Variants in CAST observed in about 807,000 individuals in gnomAD.
CAST encodes the protein calpastatin, also known as MIR583 host.
A neutral mutation model predicts 119.6 loss-of-function variants in CAST; 76 were observed. That is an observed-to-expected ratio of 0.64 (90% CI 0.53 to 0.77). The LOEUF is 0.77. CAST is among the 30% of genes least tolerant of loss of function. CAST has a pLI of 0.00. For synonymous variants in CAST, 319 were observed against 331.6 expected (o/e 0.96, Z 0.41); for missense variants, 953 against 946.5 (o/e 1.01, Z -0.09).
the CAST span, chr5:96,410,724 A>G: frequency 7.0e-7 from 1 of 1,422,756 alleles, no homozygotes; most frequent in Non-Finnish European, 9.9e-7. Context: ...TTTCACATGC[A>G]TGCCACGCTC....
At chr5:96,463,941 A>T in the CAST span, among the ~76,000 whole-genome samples, 1 of 152,134 alleles carries the variant, frequency 6.6e-6, no homozygotes, top group African/African-American at 2.4e-5. Flanking sequence ...AGAAACAGAT[A>T]AAGTGAGTCA....
the CAST span, among the ~76,000 whole-genome samples, chr5:95,979,091 G>A: frequency 1.3e-5 from 2 of 152,056 alleles, no homozygotes; most frequent in Non-Finnish European, 2.9e-5. Context: ...GATGCATTAG[G>A]GCTCTATCAT....
At chr5:96,204,178 G>A in the CAST span, among the ~76,000 whole-genome samples, 2 of 151,982 alleles carry the variant, frequency 1.3e-5, no homozygotes, top group East Asian at 3.9e-4. Context: ...CAAGTGATAT[G>A]AACCCCAGTC....
chr5:96,026,395 T>C, the CAST span, among the ~76,000 whole-genome samples: 1 of 152,236 alleles, frequency 6.6e-6, no homozygotes, highest in Non-Finnish European at 1.5e-5. Context: ...ACAGAGACTC[T>C]GGGCCCTCTT....
At chr5:96,415,569 T>C in the CAST span, among the ~76,000 whole-genome samples, 1 of 152,228 alleles carries the variant, frequency 6.6e-6, no homozygotes, top group South Asian at 2.1e-4. Flanking sequence ...TCCTACATCC[T>C]TGCTATAAAA....
intron 26 of CAST, 53 bp downstream of exon 26, chr5:96,765,378 CT>C: frequency 3.5e-6 from 3 of 853,552 alleles, no homozygotes; most frequent in Non-Finnish European, 5.6e-6. Context: ...AATTTTAATC[CT>C]TGGGTCTTGA....
chr5:96,547,514 A>C (rs1021656309), intron 1 of CAST, among the ~76,000 whole-genome samples: 1 of 152,238 alleles, frequency 6.6e-6, no homozygotes, highest in Non-Finnish European at 1.5e-5. Context: ...GATGAAGTTC[A>C]CTAACACTGG....
chr5:96,631,827 C>T (rs886965221), intron 1 of CAST, among the ~76,000 whole-genome samples: 4 of 151,958 alleles, frequency 2.6e-5, no homozygotes, highest in Non-Finnish European at 4.4e-5. Context: ...CCACTGCGCC[C>T]GACTGCTTGT....
the CAST span, among the ~76,000 whole-genome samples, chr5:96,250,808 A>C: frequency 1.3e-5 from 2 of 152,288 alleles, no homozygotes; most frequent in African/African-American, 4.8e-5. Flanking sequence ...GAAGAGTAGA[A>C]TAGGACTACA....
At chr5:95,969,303 T>C in the CAST span, among the ~76,000 whole-genome samples, 1 of 152,142 alleles carries the variant, frequency 6.6e-6, no homozygotes, top group Non-Finnish European at 1.5e-5. Flanking sequence ...ATCTAATCTA[T>C]ATGTTAGGAC....
At chr5:96,167,981 G>A in the CAST span, among the ~76,000 whole-genome samples, 331 of 152,288 alleles carry the variant, frequency 2.2e-3, no homozygotes, top group African/African-American at 7.5e-3. Context: ...TCCACCATGG[G>A]AAGGAAATGA....
chr5:96,474,091 A>G, the CAST span, among the ~76,000 whole-genome samples: 1 of 152,294 alleles, frequency 6.6e-6, no homozygotes, highest in Non-Finnish European at 1.5e-5. Flanking sequence ...AAGACCCTGT[A>G]AGCCATGTGG....
chr5:96,200,605 C>A, the CAST span, among the ~76,000 whole-genome samples: 1 of 152,114 alleles, frequency 6.6e-6, no homozygotes, highest in Non-Finnish European at 1.5e-5. Flanking sequence ...TCCTTTAATT[C>A]TTACCTGTTA....
At chr5:96,452,236 C>G in the CAST span, among the ~76,000 whole-genome samples, 5 of 152,186 alleles carry the variant, frequency 3.3e-5, no homozygotes, top group Admixed American at 3.3e-4. Flanking sequence ...GACTTGGAAC[C>G]AACCCAAATG....
chr5:95,976,184 G>A, the CAST span, among the ~76,000 whole-genome samples: 2 of 150,986 alleles, frequency 1.3e-5, no homozygotes, highest in African/African-American at 4.9e-5. Flanking sequence ...CAGATATTCT[G>A]TAGATCTAGT....
intron 3 of CAST, among the ~76,000 whole-genome samples, chr5:96,699,961 T>C (rs967134596): frequency 9.9e-5 from 15 of 152,198 alleles, no homozygotes; most frequent in Non-Finnish European, 1.5e-5. Context: ...AGGAGATCTA[T>C]GAAGGAATAA....
intron 4 of CAST, among the ~76,000 whole-genome samples, chr5:96,724,201 AGGCAGGGTCTC>A (rs1561526118): frequency 2.7e-5 from 4 of 150,710 alleles, no homozygotes; most frequent in Non-Finnish European, 5.9e-5. Context: ...TTTTTCCTTG[AGGCAGGGTCTC>A]GCTCTGTCTT....
the CAST span, among the ~76,000 whole-genome samples, chr5:96,048,788 C>CT: frequency 2.0e-4 from 31 of 152,236 alleles, no homozygotes; most frequent in Admixed American, 9.2e-4. Flanking sequence ...TGCCAAGAGT[C>CT]TTTTTTCCCC....
At chr5:96,560,136 G>A (rs1580824733) in intron 1 of CAST, among the ~76,000 whole-genome samples, 2 of 152,040 alleles carry the variant, frequency 1.3e-5, no homozygotes, top group South Asian at 4.1e-4. Flanking sequence ...ATGGTGCTGG[G>A]AAAACTGGCT....
Sources: gnomAD v4.1 joint callset for allele counts (sites outside exome capture counted in the v4.1 genomes callset) on GRCh38, gnomAD v4.1.1 for gene constraint, MANE v1.5 for transcripts, NCBI Gene and HGNC (gene_info 2026-07-23, HGNC 2026-07-21) for gene names.